The following NRG1 variants were observed in gnomAD, a reference collection of about 807,000 sequenced individuals.
NRG1 encodes the protein pro-neuregulin-1, membrane-bound isoform.
NRG1 carries 18 observed loss-of-function variants against 63.8 expected under a neutral mutation model. That is an observed-to-expected ratio of 0.28 (90% CI 0.19 to 0.42). The LOEUF is 0.42. Among genes scored for constraint, NRG1 ranks in the 10% least tolerant of loss-of-function variants. The pLI, the probability that NRG1 is intolerant of heterozygous loss-of-function variation, is 1.00. For missense variants in NRG1, 762 were observed against 814.7 expected (o/e 0.94, Z 0.79); for synonymous variants, 302 against 301.3 (o/e 1.00, Z -0.02).
chr8:31,821,911 G>C (rs1460300207), intron 1 of NRG1, among the ~76,000 whole-genome samples: 1 of 152,074 alleles, frequency 6.6e-6, no homozygotes, highest in Non-Finnish European at 1.5e-5. Context: ...GTGCTATTTT[G>C]CCTCCCAGTA....
chr8:32,372,468 C>G (rs957667463), intron 1 of NRG1, among the ~76,000 whole-genome samples: 1 of 152,056 alleles, frequency 6.6e-6, no homozygotes, highest in African/African-American at 2.4e-5. Context: ...CAAAACAACA[C>G]AGATAGAAGG....
intron 5 of NRG1, among the ~76,000 whole-genome samples, chr8:32,698,870 C>T (rs577297784): frequency 6.6e-5 from 10 of 152,272 alleles, no homozygotes; most frequent in South Asian, 4.2e-4. Context: ...GGACTAGGAG[C>T]GATTTCCAGA....
At chr8:32,112,796 G>A (rs1238160068) in intron 1 of NRG1, among the ~76,000 whole-genome samples, 1 of 152,122 alleles carries the variant, frequency 6.6e-6, no homozygotes, top group African/African-American at 2.4e-5. Context: ...AGTACTGCTT[G>A]GGGGATGAAA....
chr8:32,189,235 C>T (rs1320254298), intron 1 of NRG1, among the ~76,000 whole-genome samples: 3 of 152,072 alleles, frequency 2.0e-5, no homozygotes, highest in Non-Finnish European at 4.4e-5. Context: ...TGCCCCCTTC[C>T]GTCTTCCCCC....
chr8:32,651,266 G>C (rs1285547001), intron 5 of NRG1, among the ~76,000 whole-genome samples: 1 of 152,036 alleles, frequency 6.6e-6, no homozygotes, highest in East Asian at 1.9e-4. Context: ...GTCTTAAGAA[G>C]TCCAATGCAG....
chr8:32,136,445 G>A (rs554543171), intron 1 of NRG1, among the ~76,000 whole-genome samples: 2 of 152,250 alleles, frequency 1.3e-5, no homozygotes, highest in South Asian at 4.1e-4. Flanking sequence ...TGAAACAGTG[G>A]CAGGTGAACT....
intron 1 of NRG1, among the ~76,000 whole-genome samples, chr8:32,151,667 A>G (rs916582252): frequency 2.0e-5 from 3 of 152,216 alleles, no homozygotes; most frequent in African/African-American, 4.8e-5. Flanking sequence ...GAGCCAGATG[A>G]CGCAGCTGGA....
chr8:32,086,802 G>A (rs1200864710), intron 1 of NRG1, among the ~76,000 whole-genome samples: 1 of 152,166 alleles, frequency 6.6e-6, no homozygotes, highest in African/African-American at 2.4e-5. Context: ...GATAGCCTAT[G>A]AGGAAGAATA....
intron 1 of NRG1, among the ~76,000 whole-genome samples, chr8:32,046,856 A>T (rs1821084305): frequency 6.6e-6 from 1 of 152,046 alleles, no homozygotes; most frequent in Non-Finnish European, 1.5e-5. Context: ...TCTCATGGTG[A>T]TTATATAAAT....
intron 1 of NRG1, among the ~76,000 whole-genome samples, chr8:31,677,615 C>T (rs2131037391): frequency 6.6e-6 from 1 of 152,212 alleles, no homozygotes; most frequent in African/African-American, 2.4e-5. Flanking sequence ...AAAAGTTCAT[C>T]AACATACAGT....
At chr8:32,426,313 G>T (rs1327461378) in intron 1 of NRG1, among the ~76,000 whole-genome samples, 1 of 152,148 alleles carries the variant, frequency 6.6e-6, no homozygotes, top group Admixed American at 6.6e-5. Context: ...ATAAAGTGCT[G>T]TATTGATGGA....
rs545306203 is a variant in NRG1 at position 32,087,794 on chromosome 8, G to A, written c.37+448363G>A. ...ATATTTCTTTATAGTAATGCAAATG[G>A]CCTAACACACTTATGTAAGTGAAAT... is the stretch of plus-strand genomic sequence containing the variant. On this transcript the variant is annotated intron_variant, in intron 1 of 10. Transcript: ENST00000519301. Among the ~76,000 whole-genome samples the A allele has an allele frequency of 7.2e-5, 11 of 152,220 alleles. No individual in the cohort carries two copies. The South Asian group carries it at 2.3e-3, about 32-fold the overall frequency.
intron 1 of NRG1, among the ~76,000 whole-genome samples, chr8:31,742,503 T>A (rs1459080559): frequency 7.2e-6 from 1 of 138,288 alleles, no homozygotes; most frequent in African/African-American, 2.6e-5. Context: ...TTGTCTTCTA[T>A]GGAAAATGTT....
At chr8:31,690,002 G>C (rs4733270) in intron 1 of NRG1, among the ~76,000 whole-genome samples, 28,509 of 152,186 alleles carry the variant, frequency 0.19, 3,316 homozygotes, top group East Asian at 0.27. Flanking sequence ...TAATCCCCAC[G>C]TGTCGTGGGA....
intron 1 of NRG1, among the ~76,000 whole-genome samples, chr8:31,681,074 A>G (rs1387438599): frequency 1.3e-5 from 2 of 152,128 alleles, no homozygotes; most frequent in African/African-American, 2.4e-5. Context: ...CTCTTAAGAC[A>G]GGTAAATGCA....
chr8:32,113,474 C>T (rs1331616264), intron 1 of NRG1, among the ~76,000 whole-genome samples: 2 of 152,180 alleles, frequency 1.3e-5, no homozygotes, highest in African/African-American at 4.8e-5. Flanking sequence ...CCACCATTTC[C>T]TTGGTTCCTC....
chr8:32,416,268 TC>T (rs1427708270), intron 1 of NRG1, among the ~76,000 whole-genome samples: 3 of 151,920 alleles, frequency 2.0e-5, no homozygotes, highest in Non-Finnish European at 4.4e-5. Context: ...TTGGTAATTG[TC>T]CCCTTCCTTC....
At chr8:31,760,261 T>C (rs907344233) in intron 1 of NRG1, among the ~76,000 whole-genome samples, 4 of 152,198 alleles carry the variant, frequency 2.6e-5, no homozygotes, top group Non-Finnish European at 5.9e-5. Context: ...TTCAGCTTTC[T>C]ACATATGGCT....
intron 1 of NRG1, among the ~76,000 whole-genome samples, chr8:31,831,642 C>T (rs556288404): frequency 2.0e-5 from 3 of 152,178 alleles, no homozygotes; most frequent in Non-Finnish European, 4.4e-5. Context: ...TGGGTATTCT[C>T]TCTCTATGGA....
Sources: allele counts gnomAD v4.1 joint callset (sites outside exome capture counted in the v4.1 genomes callset), GRCh38; gene constraint gnomAD v4.1.1; transcripts MANE v1.5; gene names NCBI Gene and HGNC (gene_info 2026-07-23, HGNC 2026-07-21).